Variants in TMEM116 observed in about 807,000 individuals in gnomAD.
TMEM116 encodes the protein transmembrane protein 116.
A neutral mutation model predicts 44.3 loss-of-function variants in TMEM116; 38 were observed. That is an observed-to-expected ratio of 0.86 (90% CI 0.66 to 1.12). The LOEUF is 1.12. TMEM116 is among the 50% of genes most tolerant of loss of function. TMEM116 has a pLI of 0.00. For missense variants in TMEM116, 354 were observed against 401.7 expected (o/e 0.88, Z 1.01); for synonymous variants, 132 against 144.8 (o/e 0.91, Z 0.64).
At chr12:111,944,971 A>G (rs1487437226) in intron 4 of TMEM116, among the ~76,000 whole-genome samples, 1 of 151,182 alleles carries the variant, frequency 6.6e-6, no homozygotes, top group African/African-American at 2.4e-5. Flanking sequence ...GCTACCCTGG[A>G]GCCTGAGGCA....
intron 3 of TMEM116, among the ~76,000 whole-genome samples, chr12:111,992,784 T>C (rs1175083053): frequency 6.6e-6 from 1 of 152,206 alleles, no homozygotes; most frequent in Admixed American, 6.5e-5. Context: ...TTCCCACTTA[T>C]CTAAAAATAG....
chr12:111,945,591 G>A (rs1045023231), intron 4 of TMEM116, among the ~76,000 whole-genome samples: 1 of 151,964 alleles, frequency 6.6e-6, no homozygotes, highest in African/African-American at 2.4e-5. Context: ...AAAGATAAAT[G>A]ATTATTAATT....
rs749876102 is a variant in TMEM116 at position 112,004,981 on chromosome 12, G to A, written c.14+276C>T. On this transcript the variant is annotated intron_variant, in intron 2 of 10. Transcript: ENST00000552374. ...TTTGTCATTCCAATTTTTAGTATAG[G>A]TGCTGCTTAAGTAAGCACTTTGCTA... is the stretch of plus-strand genomic sequence containing the variant. 2.6e-5 allele frequency among the ~76,000 whole-genome samples: 4 copies of A among 152,196 alleles called. No individual in the cohort carries two copies. In the South Asian group the frequency reaches 8.3e-4, roughly 32 times the overall value.
chr12:111,957,654 G>A (rs1447810119), intron 4 of TMEM116, among the ~76,000 whole-genome samples: 1 of 151,816 alleles, frequency 6.6e-6, no homozygotes. Flanking sequence ...CGTCTGGGAA[G>A]TGAGGAGCCC....
intron 4 of TMEM116, among the ~76,000 whole-genome samples, chr12:111,990,876 A>T (rs1565948914): frequency 6.6e-6 from 1 of 152,200 alleles, no homozygotes; most frequent in Non-Finnish European, 1.5e-5. Flanking sequence ...AAAGTATTTA[A>T]TTACCTGGAA....
chr12:111,957,626 C>T (rs1251569283), intron 4 of TMEM116, among the ~76,000 whole-genome samples: 1 of 148,624 alleles, frequency 6.7e-6, no homozygotes, highest in Non-Finnish European at 1.5e-5. Flanking sequence ...GGTGGGGGGC[C>T]CCTCTGCCCG....
At chr12:111,967,296 T>C (rs2075037100) in intron 4 of TMEM116, among the ~76,000 whole-genome samples, 1 of 152,192 alleles carries the variant, frequency 6.6e-6, no homozygotes. Flanking sequence ...TGTAGTACTT[T>C]CTTTACCATT....
chr12:112,008,136 G>A (rs541192800), intron 1 of TMEM116, among the ~76,000 whole-genome samples: 1 of 152,310 alleles, frequency 6.6e-6, no homozygotes, highest in Non-Finnish European at 1.5e-5. Context: ...AGCTGTGTTT[G>A]CATCACTGCA....
chr12:111,941,203 C>T (rs1010066599), intron 5 of TMEM116, among the ~76,000 whole-genome samples: 3 of 151,790 alleles, frequency 2.0e-5, no homozygotes, highest in African/African-American at 7.3e-5. Context: ...TGGTGAAACC[C>T]CATCTCTACT....
At chr12:111,944,518 A>G (rs149947665) in intron 4 of TMEM116, among the ~76,000 whole-genome samples, 150 of 152,148 alleles carry the variant, frequency 9.9e-4, no homozygotes, top group African/African-American at 3.4e-3. Context: ...TAGAGTGAGT[A>G]CAGGAGGGGG....
intron 4 of TMEM116, among the ~76,000 whole-genome samples, chr12:111,967,678 T>C (rs117143221): frequency 1.0e-3 from 159 of 152,058 alleles, no homozygotes; most frequent in Non-Finnish European, 1.9e-3. Context: ...AATGACACAA[T>C]GATACAAGCC....
chr12:111,937,761 C>T (rs939524694), intron 6 of TMEM116, among the ~76,000 whole-genome samples: 2 of 152,180 alleles, frequency 1.3e-5, no homozygotes, highest in African/African-American at 4.8e-5. Flanking sequence ...GATATGGCCA[C>T]CACTTTAGGT....
At chr12:112,002,920 C>A (rs1449729103) in intron 3 of TMEM116, among the ~76,000 whole-genome samples, 1 of 152,138 alleles carries the variant, frequency 6.6e-6, no homozygotes, top group Non-Finnish European at 1.5e-5. Flanking sequence ...TGTTATATTT[C>A]TCTTAAGATC....
chr12:111,940,281 T>A (rs559744200), intron 5 of TMEM116, among the ~76,000 whole-genome samples: 1 of 151,096 alleles, frequency 6.6e-6, no homozygotes. Context: ...TCAAAAAATA[T>A]ATATATATAT....
Position 112,000,109 on chromosome 12 carries a change from C to A in TMEM116, c.78+3691G>T, listed in dbSNP as rs1245886553. ...ATGCATTAAAAAAGTAAAACAAAAT[C>A]ATCATGTGACTAACACAATTCTCCT... is the stretch of plus-strand genomic sequence containing the variant. On this transcript the variant is annotated intron_variant, in intron 3 of 10. Coordinates refer to ENST00000552374, the MANE Select transcript of TMEM116 (RefSeq NM_001193531.2). 3.9e-5 allele frequency among the ~76,000 whole-genome samples: 6 copies of A among 152,252 alleles called. No homozygotes were observed. The East Asian group carries it at 9.6e-4, about 24-fold the overall frequency.
At chr12:111,976,926 A>G (rs2075701418) in intron 4 of TMEM116, among the ~76,000 whole-genome samples, 1 of 152,180 alleles carries the variant, frequency 6.6e-6, no homozygotes, top group Non-Finnish European at 1.5e-5. Context: ...ATGCAAAGAA[A>G]AAAAGAATTA....
intron 3 of TMEM116, among the ~76,000 whole-genome samples, chr12:111,998,370 A>G (rs1214595521): frequency 6.6e-6 from 1 of 152,180 alleles, no homozygotes; most frequent in Non-Finnish European, 1.5e-5. Context: ...GTGCTCTGAG[A>G]GCTTGTTCCC....
chr12:111,980,002 T>C (rs2075859861), intron 4 of TMEM116, among the ~76,000 whole-genome samples: 1 of 152,200 alleles, frequency 6.6e-6, no homozygotes, highest in African/African-American at 2.4e-5. Context: ...GTACAGCCAC[T>C]TTGGAAGACA....
chr12:111,958,104 C>T lies in TMEM116; in HGVS notation c.211-14735G>A, dbSNP rs536113511. On this transcript the variant is annotated intron_variant, in intron 4 of 10. Coordinates refer to ENST00000552374, the MANE Select transcript of TMEM116 (RefSeq NM_001193531.2). ...GCTCGTTAAGAGTCATCACCACTCC[C>T]TAATCTCAACTACCCAGGGACACAA... Among the ~76,000 whole-genome samples the T allele has an allele frequency of 5.3e-5, 8 of 151,826 alleles. No individual in the cohort carries two copies. The South Asian group carries it at 1.7e-3, about 32-fold the overall frequency.
Sources: allele counts gnomAD v4.1 joint callset (sites outside exome capture counted in the v4.1 genomes callset), GRCh38; gene constraint gnomAD v4.1.1; transcripts MANE v1.5; gene names NCBI Gene and HGNC (gene_info 2026-07-23, HGNC 2026-07-21).